Variants in TMEM87B observed in about 807,000 individuals in gnomAD.
TMEM87B encodes transmembrane protein 87B.
In TMEM87B, 83 loss-of-function variants were observed where a neutral mutation model predicts 80.3. The observed-to-expected ratio is 1.03, with a 90% CI of 0.87 to 1.24. TMEM87B has a LOEUF of 1.24. Ranked by LOEUF, TMEM87B falls within the 50% of genes most tolerant of loss-of-function variation. The pLI is 0.00. For missense variants in TMEM87B, 625 were observed against 674.4 expected (o/e 0.93, Z 0.81); for synonymous variants, 219 against 230.5 (o/e 0.95, Z 0.45).
chr2:112,107,706 CTT>C (rs1679809618), intron 16 of TMEM87B, 80 bp from the exon 17 acceptor site: 1 of 678,400 alleles, frequency 1.5e-6, no homozygotes, highest in Non-Finnish European at 2.3e-6. Flanking sequence ...CATTTAAACA[CTT>C]AAGTTATATA....
intron 15 of TMEM87B, among the ~76,000 whole-genome samples, chr2:112,104,707 T>C (rs924189276): frequency 1.3e-5 from 2 of 152,176 alleles, no homozygotes; most frequent in African/African-American, 2.4e-5. Context: ...AGTTCAACTG[T>C]TCCACTCTAA....
intron 17 of TMEM87B, among the ~76,000 whole-genome samples, chr2:112,110,088 G>A (rs796493817): frequency 2.6e-5 from 4 of 152,008 alleles, no homozygotes; most frequent in Admixed American, 6.6e-5. Context: ...TTGACATTTT[G>A]GTCCAGGTTT....
intron 11 of TMEM87B, 57 bp downstream of exon 11, chr2:112,091,840 T>A (rs1053402224): frequency 8.0e-7 from 1 of 1,257,078 alleles, no homozygotes; most frequent in Non-Finnish European, 1.1e-6. Flanking sequence ...TCAGATTACA[T>A]GTAATTTGTA....
At chr2:112,063,567 T>A (rs1318436626) in intron 2 of TMEM87B, among the ~76,000 whole-genome samples, 2 of 152,200 alleles carry the variant, frequency 1.3e-5, no homozygotes, top group Non-Finnish European at 2.9e-5. Flanking sequence ...ACATGTTTGG[T>A]CCACCCTTCT....
chr2:112,055,796 GC>G, intron 1 of TMEM87B, 40 bp downstream of exon 1: 1 of 1,447,242 alleles, frequency 6.9e-7, no homozygotes, highest in Non-Finnish European at 9.1e-7. Flanking sequence ...CACGTCTCGG[GC>G]CGTCAGGGCC....
At chr2:112,090,612 A>G (rs1029802025) in intron 10 of TMEM87B, among the ~76,000 whole-genome samples, 1 of 152,032 alleles carries the variant, frequency 6.6e-6, no homozygotes, top group African/African-American at 2.4e-5. Flanking sequence ...TTTTTTGTAG[A>G]GACAGGGTCT....
chr2:112,085,222 C>A (rs1454643842), intron 8 of TMEM87B, among the ~76,000 whole-genome samples: 1 of 152,254 alleles, frequency 6.6e-6, no homozygotes, highest in African/African-American at 2.4e-5. Flanking sequence ...TGACCAGCCT[C>A]TTTTCTTGAC....
rs1209916100 is a variant in TMEM87B, at chr2:112,106,078, G to T, written c.1524+3G>T. 1.3e-6 allele frequency: 2 copies of T among 1,550,034 alleles called. No homozygotes were observed. Among genetic ancestry groups the T allele is most frequent in the Non-Finnish European group, 1.7e-6 (2 of 1,153,056 alleles). ...AGCCTGCCACTTCTGAGAACTTTGT[G>T]AGTATGGTATATATTTAGTACAATC... On this transcript the variant is annotated splice_donor_region_variant and intron_variant, in intron 16 of 18. Coordinates refer to ENST00000283206, the MANE Select transcript of TMEM87B (RefSeq NM_032824.3).
chr2:112,082,671 TGTGTGC>T (rs751742710), intron 8 of TMEM87B, among the ~76,000 whole-genome samples: 10 of 151,732 alleles, frequency 6.6e-5, no homozygotes, highest in East Asian at 3.9e-4. Context: ...TGTGTGTGTG[TGTGTGC>T]GTGTGCGTGT....
intron 15 of TMEM87B, among the ~76,000 whole-genome samples, chr2:112,104,996 G>A (rs1679725793): frequency 6.6e-6 from 1 of 152,094 alleles, no homozygotes. Flanking sequence ...TTTTGGTGAG[G>A]TGGGGATTGA....
intron 3 of TMEM87B, among the ~76,000 whole-genome samples, chr2:112,065,733 C>T (rs376860270): frequency 1.3e-5 from 2 of 151,660 alleles, no homozygotes; most frequent in African/African-American, 4.8e-5. Flanking sequence ...ACACACTCCA[C>T]ACCCCATACC....
At chr2:112,094,359 C>T (rs1679396170) in intron 11 of TMEM87B, among the ~76,000 whole-genome samples, 1 of 152,038 alleles carries the variant, frequency 6.6e-6, no homozygotes, top group Non-Finnish European at 1.5e-5. Flanking sequence ...TACGGGGTTT[C>T]ACCATGTTGG....
In TMEM87B at chr2:112,055,721, C is replaced by T. The variant is rs1363860794; in HGVS notation, c.130C>T (p.Pro44Ser). Residue 44 changes from proline (P) to serine (S), a missense_variant, in exon 1 of 19, where the codon CCT becomes TCT. Physicochemically the swap from Pro to Ser is moderately conservative, Grantham distance 74. Transcript: ENST00000283206. ...GACCCCGGCGGCTGTGCGCGCGGTC[C>T]CTGAGCTCGGGCTCTGGTTAGAGAC... ...CWTPAAVRAV[P>S]ELGLWLETVN... The T allele has an allele frequency of 6.5e-7, 1 of 1,533,126 alleles. No individual in the cohort carries two copies. Among genetic ancestry groups the T allele is most frequent in the African/African-American group, 1.4e-5 (1 of 69,218 alleles). The allele number at this position is 1,533,126 out of a possible 1,614,324, so 95.0% of individuals were successfully genotyped here. A position where few individuals can be genotyped will look rare whatever the true frequency, so the allele number is the denominator to read the frequency against.
At chr2:112,058,156 TTGA>T (rs778772319) in intron 1 of TMEM87B, among the ~76,000 whole-genome samples, 3 of 152,172 alleles carry the variant, frequency 2.0e-5, no homozygotes, top group Admixed American at 6.5e-5. Flanking sequence ...AAGTACTACC[TTGA>T]TGAAGAAGAG....
At chr2:112,073,129 A>G (rs531988872) in intron 4 of TMEM87B, among the ~76,000 whole-genome samples, 1 of 151,806 alleles carries the variant, frequency 6.6e-6, no homozygotes, top group African/African-American at 2.4e-5. Context: ...CGAACTCGTG[A>G]CCTCAGATGA....
chr2:112,063,297 A>G (rs761707308), intron 2 of TMEM87B, among the ~76,000 whole-genome samples: 3 of 152,358 alleles, frequency 2.0e-5, no homozygotes, highest in Non-Finnish European at 2.9e-5. Flanking sequence ...GCCAGCTGCC[A>G]TGTCGTGAGG....
At chr2:112,069,252 A>G (rs1177506781) in intron 4 of TMEM87B, among the ~76,000 whole-genome samples, 1 of 150,238 alleles carries the variant, frequency 6.7e-6, no homozygotes, top group Non-Finnish European at 1.5e-5. Context: ...TGTACGAATT[A>G]TTTCCATGAC....
In TMEM87B at chr2:112,067,007, G is replaced by A. The variant is rs1406158285; in HGVS notation, c.390G>A (p.Trp130Ter). The A allele has an allele frequency of 6.2e-7, 1 of 1,611,796 alleles. No homozygotes were observed. The highest frequency in any genetic ancestry group is 1.1e-5 in the South Asian group (1 of 90,272). The change falls in exon 4 of 19, where the codon TGG becomes TGA. Residue 130 changes from tryptophan (W) to a stop codon, truncating the protein, a stop_gained. Transcript: ENST00000283206. LOFTEE classifies it high-confidence loss of function. ...ATTATTTGAAGAATGACAACTGTTG[G>A]ACAACAAAAAATGAAAACTTAGATT... is the stretch of plus-strand genomic sequence containing the variant. ...FCHYLKNDNCWTTKNENLDCN... is the reference protein window; with the variant it reads ...FCHYLKNDNC
rs1678006366 is a variant in TMEM87B, at chr2:112,055,352, A to G, written c.-240A>G. 3.9e-6 allele frequency: 2 copies of G among 508,960 alleles called. No individual in the cohort carries two copies. The highest frequency in any genetic ancestry group is 4.2e-5 in the Admixed American group (1 of 23,580). 31.5% of individuals were successfully genotyped at this position (508,960 alleles called of 1,614,324 possible). A position where few individuals can be genotyped will look rare whatever the true frequency, so the allele number is the denominator to read the frequency against. On this transcript the variant is annotated 5_prime_UTR_variant, in exon 1 of 19. Coordinates refer to ENST00000283206, the MANE Select transcript of TMEM87B (RefSeq NM_032824.3). The stretch of plus-strand genomic sequence containing the variant: ...ATCCTGGCTCCTATCTCTGCCTTCC[A>G]GGCATCTCCCAGCTGCACGCTCGGG...
Sources: gnomAD v4.1 joint callset for allele counts (sites outside exome capture counted in the v4.1 genomes callset) on GRCh38, gnomAD v4.1.1 for gene constraint, MANE v1.5 for transcripts, NCBI Gene and HGNC (gene_info 2026-07-23, HGNC 2026-07-21) for gene names.